LAMA5: variants seen among roughly 807,000 people sequenced by gnomAD.
The protein encoded by LAMA5 is laminin subunit alpha 5, also known as laminin subunit alpha-5.
Under a neutral mutation model 433.4 loss-of-function variants are expected in LAMA5, and 260 were observed. The observed-to-expected ratio is 0.60, with a 90% CI of 0.54 to 0.66. LAMA5 has a LOEUF of 0.66. Ranked by LOEUF, LAMA5 falls within the 30% of genes least tolerant of loss-of-function variation. LAMA5 has a pLI of 0.00. For synonymous variants in LAMA5, 2,620 were observed against 2,226.6 expected (o/e 1.18, Z -4.97); for missense variants, 5,378 against 5,258.5 (o/e 1.02, Z -0.70).
chr20:62,313,053 A>C, intron 65 of LAMA5, 35 bp downstream of exon 65: 1 of 1,603,692 alleles, frequency 6.2e-7, no homozygotes, highest in South Asian at 1.1e-5. Context: ...GGGTCAGTGC[A>C]AGTGGGGATG....
intron 43 of LAMA5, 90 bp downstream of exon 43, chr20:62,323,990 C>G: frequency 3.5e-6 from 5 of 1,426,926 alleles, no homozygotes; most frequent in Non-Finnish European, 4.7e-6. Flanking sequence ...CTGTCCAGGC[C>G]TCTGCAGAGG....
chr20:62,327,626 G>T lies in LAMA5; in HGVS notation c.4841C>A (p.Thr1614Asn). Residue 1614 changes from threonine (T) to asparagine (N), a missense_variant, in exon 37 of 80, where the codon ACC becomes AAC. Coordinates refer to ENST00000252999, the MANE Select transcript of LAMA5 (RefSeq NM_005560.6). ...GGGGTTGGCAGCATCCAGTGAGAAG[G>T]TCCCAAGGCTGCACTGGTCACATTT... is the stretch of plus-strand genomic sequence containing the variant. ...GPKCDQCSLG[T>N]FSLDAANPKG... 1 of 1,613,196 alleles carries T rather than the reference G, an allele frequency of 6.2e-7. No homozygotes were observed.
intron 2 of LAMA5, among the ~76,000 whole-genome samples, chr20:62,356,763 G>A (rs1301614585): frequency 6.6e-6 from 1 of 152,236 alleles, no homozygotes; most frequent in Non-Finnish European, 1.5e-5. Flanking sequence ...CTGGGCACAG[G>A]GCAGTGGGAA....
In LAMA5 at chr20:62,312,472, G is replaced by T; in HGVS notation, c.9288C>A (p.Ala3096=). ...GCTTGAGGTCCACATACTTGCCCAG[G>T]GCCTTGATGCCTTTGACGCAGCCAC... ...SVRGCVKGIK[A]LGKYVDLKRL... is the part of the protein sequence containing the mutation. The change falls in exon 68 of 80, where the codon GCC becomes GCA. Residue 3096 remains alanine, a synonymous_variant. Transcript: ENST00000252999. The T allele has an allele frequency of 1.3e-6, 2 of 1,598,436 alleles. No homozygotes were observed. Among genetic ancestry groups the T allele is most frequent in the Non-Finnish European group, 1.7e-6 (2 of 1,179,652 alleles).
rs2427289 is a variant in LAMA5 at position 62,337,627 on chromosome 20, T to A, written c.2127A>T (p.Thr709=). 1.2e-6 allele frequency: 2 copies of A among 1,611,552 alleles called. No individual in the cohort carries two copies. Among genetic ancestry groups the A allele is most frequent in the South Asian group, 1.1e-5 (1 of 91,008 alleles). The change falls in exon 16 of 80, where the codon ACA becomes ACT. Residue 709 remains threonine, a synonymous_variant. Coordinates refer to ENST00000252999, the MANE Select transcript of LAMA5 (RefSeq NM_005560.6). ...RPRVTGLRCD[T]CVPGAYNFPY... ...GGAAGTTGTAGGCACCGGGCACACA[T>A]GTGTCACACCGCAGCCCCGTCACAC...
At chr20:62,347,105 G>T in intron 6 of LAMA5, 77 bp from the exon 7 acceptor site, 3 of 1,103,892 alleles carry the variant, frequency 2.7e-6, no homozygotes, top group Non-Finnish European at 2.7e-6. Context: ...CCCTGAAGGG[G>T]CCTGTGATCC....
chr20:62,311,417 T>C lies in LAMA5; in HGVS notation c.9926A>G (p.Gln3309Arg). Reference protein sequence around the residue: ...QTPGLGPRGLQATARKASRRS... With the variant: ...QTPGLGPRGLRATARKASRRS... ...GGTGCCCACCTTCCGGGCGGTGGCC[T>C]GCAGTCCTCTAGGCCCCAGGCCCGG... The change falls in exon 72 of 80, where the codon CAG (glutamine) becomes CGG (arginine). Residue 3309 changes from glutamine (Q) to arginine (R), a missense_variant. By Grantham distance (43) the Gln-to-Arg change is conservative. Coordinates refer to ENST00000252999, the MANE Select transcript of LAMA5 (RefSeq NM_005560.6). 4 of 1,576,318 alleles carry C rather than the reference T, an allele frequency of 2.5e-6. No homozygotes were observed. The highest frequency in any genetic ancestry group is 3.4e-6 in the Non-Finnish European group (4 of 1,159,814).
Position 62,323,405 on chromosome 20 carries a change from C to T in LAMA5, c.6064+51G>A, listed in dbSNP as rs370749345. 9.1e-5 allele frequency: 129 copies of T among 1,412,886 alleles called. 1 individual carries two copies. In the African/African-American group the frequency reaches 1.7e-3, roughly 18 times the overall value. The allele number at this position is 1,412,886 out of a possible 1,614,324, so 87.5% of individuals were successfully genotyped here. ...CGGGGTACGCCCAGCAGGCCTCCCT[C>T]CTCCCCGCGCAACCCTCCCCAGGGT... On this transcript the variant is annotated intron_variant, in intron 45 of 79. Transcript: ENST00000252999.
intron 1 of LAMA5, 64 bp from the exon 2 acceptor site, chr20:62,362,616 T>C: frequency 7.4e-7 from 1 of 1,350,132 alleles, no homozygotes; most frequent in Non-Finnish European, 9.7e-7. Context: ...TCCTCCACAG[T>C]CACCCTGCTG....
In LAMA5 at chr20:62,359,626, G is replaced by A. The variant is rs1568986939; in HGVS notation, c.450+2774C>T. Among the ~76,000 whole-genome samples the A allele has an allele frequency of 6.6e-6, 1 of 152,110 alleles. No individual in the cohort carries two copies. The highest frequency in any genetic ancestry group is 2.1e-4 in the South Asian group (1 of 4,832). The stretch of plus-strand genomic sequence containing the variant: ...GGACCCCCTGGGGAAGGTCACGTCT[G>A]GAACTCGGAAACTGCCCCCTGAGTC... On this transcript the variant is annotated intron_variant, in intron 2 of 79. Transcript: ENST00000252999. This position sits in a 1 kb window ranked among gnomAD's most constrained non-coding sequence, Gnocchi z 4.3.
At position 62,337,951 on chromosome 20, in the gene LAMA5, A is replaced by C; in HGVS notation, c.1892-13T>G. Reference sequence around the variant, plus strand: ...TCGCAGGTGCATGCTGCAGAGGGACAATGGGGTCAGGCCCTGGCGCCATGT... The same window carrying C: ...TCGCAGGTGCATGCTGCAGAGGGACCATGGGGTCAGGCCCTGGCGCCATGT... On this transcript the variant is annotated splice_polypyrimidine_tract_variant and intron_variant, in intron 14 of 79. Transcript: ENST00000252999. The C allele has an allele frequency of 6.2e-7, 1 of 1,606,014 alleles. No individual in the cohort carries two copies. Among genetic ancestry groups the C allele is most frequent in the South Asian group, 1.1e-5 (1 of 90,392 alleles).
In LAMA5 at chr20:62,320,589, G is replaced by A. The variant is rs771936300; in HGVS notation, c.6729C>T (p.Leu2243=). ...LEVLEQQSTS[L]GQDARRLGGQ... is the part of the protein sequence containing the mutation. ...CGCCTAGCCGCCGTGCGTCCTGCCC[G>A]AGGCTTGTGCTCTGCTGCTCCAGCA... is the stretch of plus-strand genomic sequence containing the variant. Residue 2243 remains leucine (L), a synonymous_variant, in exon 50 of 80, where the codon CTC becomes CTT. Transcript: ENST00000252999. 8.7e-6 allele frequency: 14 copies of A among 1,604,382 alleles called. No homozygotes were observed. Among genetic ancestry groups the A allele is most frequent in the African/African-American group, 5.3e-5 (4 of 74,864 alleles).
intron 6 of LAMA5, among the ~76,000 whole-genome samples, chr20:62,348,264 T>TAA (rs1019920197): frequency 4.0e-5 from 6 of 151,874 alleles, no homozygotes; most frequent in African/African-American, 1.2e-4. Flanking sequence ...CAAAATGGAG[T>TAA]AATCTAGTAG....
chr20:62,329,202 C>A lies in LAMA5; in HGVS notation c.4171G>T (p.Glu1391Ter), dbSNP rs1245412666. Residue 1391 changes from glutamate (E) to a stop codon, truncating the protein, a stop_gained, in exon 33 of 80, where the codon GAG becomes TAG. Transcript: ENST00000252999. LOFTEE classifies it high-confidence loss of function. ...TCATAGGATTTATCCAGGGGCTCCT[C>A]CCGGAGGTAGCCAAAGCTGTAGACG... The part of the protein sequence containing the change: ...ENVYSFGYLR[E>*]EPLDKSYDFI... The A allele has an allele frequency of 6.2e-7, 1 of 1,612,824 alleles. No homozygotes were observed. The highest frequency in any genetic ancestry group is 1.7e-5 in the Admixed American group (1 of 60,016).
rs1978870857 is a variant in LAMA5, at chr20:62,324,303, G to A, written c.5644-99C>T. 14 of 1,499,484 alleles carry A rather than the reference G, an allele frequency of 9.3e-6. No homozygotes were observed. The South Asian group carries it at 1.7e-4, about 18-fold the overall frequency. 92.9% of individuals were successfully genotyped at this position (1,499,484 alleles called of 1,614,324 possible). A position where few individuals can be genotyped will look rare whatever the true frequency, so the allele number is the denominator to read the frequency against. On this transcript the variant is annotated intron_variant, in intron 42 of 79. Transcript: ENST00000252999. The surrounding 1 kb of genome is among the most constrained non-coding windows in gnomAD (Gnocchi z 4.4). ...CCCCTGCCTCAGACTCTGTGCCCAA[G>A]GCCAGATGGTCCCCCACTGGGCAAC...
At chr20:62,328,124 G>A (rs985562769) in intron 35 of LAMA5, 114 bp from the exon 36 acceptor site, 265 of 1,517,720 alleles carry the variant, frequency 1.7e-4, no homozygotes, top group Middle Eastern at 9.1e-4. Flanking sequence ...AGGAGAGGGC[G>A]CTGCTGCACC....
chr20:62,328,704 C>A, intron 34 of LAMA5, 140 bp downstream of exon 34: 1 of 894,174 alleles, frequency 1.1e-6, no homozygotes, highest in Non-Finnish European at 1.7e-6. Flanking sequence ...AGTCCTGGGC[C>A]CAGGCCCGCA....
intron 7 of LAMA5, 23 bp downstream of exon 7, chr20:62,346,890 C>CGTG: frequency 6.2e-7 from 1 of 1,610,464 alleles, no homozygotes; most frequent in Non-Finnish European, 8.5e-7. Flanking sequence ...GCAGGACACA[C>CGTG]GTGTGTGGGA....
At chr20:62,358,343 C>T (rs1985553991) in intron 2 of LAMA5, among the ~76,000 whole-genome samples, 1 of 152,190 alleles carries the variant, frequency 6.6e-6, no homozygotes, top group South Asian at 2.1e-4. Flanking sequence ...CCCAGGGAGC[C>T]CTGCTCAAGT....
Sources: allele counts gnomAD v4.1 joint callset (sites outside exome capture counted in the v4.1 genomes callset), GRCh38; gene constraint gnomAD v4.1.1; non-coding constraint Gnocchi (gnomAD v3.1); transcripts MANE v1.5; gene names NCBI Gene and HGNC (gene_info 2026-07-23, HGNC 2026-07-21).